The following FRMD1 variants were observed in gnomAD, a reference collection of about 807,000 sequenced individuals.
The protein encoded by FRMD1 is FERM domain-containing protein 1.
FRMD1 carries 51 observed loss-of-function variants against 54.9 expected under a neutral mutation model. The ratio of observed to expected loss-of-function variants is 0.93; its 90% CI spans 0.74 to 1.17. The LOEUF is 1.17. Among genes scored for constraint, FRMD1 ranks in the 50% most tolerant of loss-of-function variants. FRMD1 has a pLI of 0.00. For synonymous variants in FRMD1, 324 were observed against 306.4 expected (o/e 1.06, Z -0.60); for missense variants, 729 against 743.0 (o/e 0.98, Z 0.22).
chr6:168,081,436 G>A, upstream of FRMD1: 1 of 1,535,658 alleles, frequency 6.5e-7, no homozygotes. Flanking sequence ...TGGACGGGCA[G>A]AGGCCGCGAG....
At chr6:168,071,894 A>C (rs1417975167) in intron 2 of FRMD1, among the ~76,000 whole-genome samples, 1 of 152,182 alleles carries the variant, frequency 6.6e-6, no homozygotes, top group Non-Finnish European at 1.5e-5. Flanking sequence ...GCTGACCTTC[A>C]GGACTCAAGG....
intron 1 of FRMD1, among the ~76,000 whole-genome samples, chr6:168,091,503 GCAGGATGGCT>G (rs1375543021): frequency 6.6e-6 from 1 of 152,242 alleles, no homozygotes; most frequent in African/African-American, 2.4e-5. Flanking sequence ...TCAGGTGTCA[GCAGGATGGCT>G]CAGGTTGGAT....
chr6:168,090,876 C>T (rs1167021086), intron 1 of FRMD1, among the ~76,000 whole-genome samples: 6 of 152,224 alleles, frequency 3.9e-5, no homozygotes, highest in East Asian at 1.9e-4. Flanking sequence ...ATCTGCCAAT[C>T]GGGGCTCACG....
intron 7 of FRMD1, 41 bp downstream of exon 7, chr6:168,062,853 C>T: frequency 6.2e-7 from 1 of 1,603,888 alleles, no homozygotes; most frequent in Non-Finnish European, 8.5e-7. Flanking sequence ...GGGGTGGGGG[C>T]AGGACGAGGG....
Position 168,066,817 on chromosome 6 carries a change from G to A in FRMD1, c.399C>T (p.Pro133=). The change falls in exon 4 of 11, where the codon CCC becomes CCT. Residue 133 remains proline, a synonymous_variant. Coordinates refer to ENST00000283309, the MANE Select transcript of FRMD1 (RefSeq NM_024919.6). ...GGAGGAAGGCCACGAAGGGGGCTCT[G>A]GGTTTCTCATTTCCCTAGTGGGGAA... ...KKERNEGNEK[P]RAPFVAFLRV... is the part of the protein sequence containing the mutation. The A allele has an allele frequency of 6.2e-7, 1 of 1,613,838 alleles. No homozygotes were observed. Among genetic ancestry groups the A allele is most frequent in the Admixed American group, 1.7e-5 (1 of 59,936 alleles).
upstream of FRMD1, among the ~76,000 whole-genome samples, chr6:168,084,713 C>A (rs1383306265): frequency 1.3e-5 from 2 of 152,220 alleles, no homozygotes; most frequent in East Asian, 3.9e-4. Context: ...GACAAGTGTG[C>A]GGAATTTTGT....
At chr6:168,091,948 C>A (rs1801022656) in intron 1 of FRMD1, among the ~76,000 whole-genome samples, 1 of 152,352 alleles carries the variant, frequency 6.6e-6, no homozygotes, top group South Asian at 2.1e-4. Flanking sequence ...TGACCAGTAG[C>A]CCCACGTTCA....
chr6:168,092,103 G>C (rs1273142881), intron 1 of FRMD1, among the ~76,000 whole-genome samples: 1 of 152,250 alleles, frequency 6.6e-6, no homozygotes, highest in African/African-American at 2.4e-5. Flanking sequence ...TCTGTGGACA[G>C]AGCGCTGCCA....
In FRMD1 at chr6:168,056,916, G is replaced by T; in HGVS notation, c.*181C>A. ...CAGGCATGAGGTGCGGGACCTGTTTGTTACCTCCCAGGTTGATGTCAGAGC... is the reference window on the plus strand; with the variant it reads ...CAGGCATGAGGTGCGGGACCTGTTTTTTACCTCCCAGGTTGATGTCAGAGC... On this transcript the variant is annotated 3_prime_UTR_variant, in exon 11 of 11. Transcript: ENST00000283309. 1 of 661,800 alleles carries T rather than the reference G, an allele frequency of 1.5e-6. No homozygotes were observed. The highest frequency in any genetic ancestry group is 2.3e-6 in the Non-Finnish European group (1 of 438,900). The allele number at this position is 661,800 out of a possible 1,614,324, so 41.0% of individuals were successfully genotyped here.
upstream of FRMD1, among the ~76,000 whole-genome samples, chr6:168,086,029 A>G (rs1800912189): frequency 6.6e-6 from 1 of 152,224 alleles, no homozygotes. Flanking sequence ...CATTAAACAG[A>G]GTGGCCCCGT....
In FRMD1 at chr6:168,079,198, A is replaced by C. The variant is rs1209515136; in HGVS notation, c.-104T>G. 25 of 1,426,046 alleles carry C rather than the reference A, an allele frequency of 1.8e-5. No homozygotes were observed. The South Asian group carries it at 3.3e-4, about 19-fold the overall frequency. The allele number at this position is 1,426,046 out of a possible 1,614,324, so 88.3% of individuals were successfully genotyped here. ...GGGACCCGCCCTTGCCGAGCTTCTC[A>C]CTGGGAAGGGAATTGAGAGGGAAGC... is the stretch of plus-strand genomic sequence containing the variant. On this transcript the variant is annotated 5_prime_UTR_variant, in exon 1 of 11. Transcript: ENST00000283309.
In FRMD1 at chr6:168,066,745, A is replaced by C; in HGVS notation, c.461+10T>G. 1 of 1,610,872 alleles carries C rather than the reference A, an allele frequency of 6.2e-7. No homozygotes were observed. Among genetic ancestry groups the C allele is most frequent in the East Asian group, 2.2e-5 (1 of 44,796 alleles). On this transcript the variant is annotated intron_variant, in intron 4 of 10. Coordinates refer to ENST00000283309, the MANE Select transcript of FRMD1 (RefSeq NM_024919.6). The stretch of plus-strand genomic sequence containing the variant: ...CCAGGAAACACCCCTTACAGTCCGC[A>C]TGCCGTTACCTTATGACCCTTCCGT...
upstream of FRMD1, among the ~76,000 whole-genome samples, chr6:168,080,575 G>A (rs1800800447): frequency 6.6e-6 from 1 of 152,200 alleles, no homozygotes; most frequent in African/African-American, 2.4e-5. Context: ...CACAGTGCCG[G>A]CGTATCAGGA....
chr6:168,069,864 C>T (rs995009113), intron 2 of FRMD1, among the ~76,000 whole-genome samples: 12 of 152,174 alleles, frequency 7.9e-5, no homozygotes, highest in Non-Finnish European at 1.6e-4. Context: ...CTTCTTAGCC[C>T]GGCCACAGTG....
intron 2 of FRMD1, 73 bp downstream of exon 2, chr6:168,075,172 G>T: frequency 1.6e-6 from 2 of 1,242,878 alleles, no homozygotes. Flanking sequence ...TGTGTGTGGT[G>T]TGCCCACCCC....
rs1314660036 is a variant in FRMD1, at chr6:168,079,023, C to G, written c.72G>C (p.Gly24=). 3.1e-6 allele frequency: 5 copies of G among 1,612,202 alleles called. No individual in the cohort carries two copies. The highest frequency in any genetic ancestry group is 4.2e-6 in the Non-Finnish European group (5 of 1,179,978). ...RTNPDTFPPS[G]ARCMEPSPER... Reference sequence around the variant, plus strand: ...CAGGACTGGGTTCCATACATCGCGCCCCTGAAGGAGGGAACGTGTCAGGGT... The same window carrying G: ...CAGGACTGGGTTCCATACATCGCGCGCCTGAAGGAGGGAACGTGTCAGGGT... Residue 24 remains glycine, a synonymous_variant, in exon 1 of 11, where the codon GGG becomes GGC. Transcript: ENST00000283309.
chr6:168,060,829 TG>T lies in FRMD1; in HGVS notation c.1273del (p.His425MetfsTer49). 2.5e-6 allele frequency: 4 copies of T among 1,613,510 alleles called. No homozygotes were observed. Among genetic ancestry groups the T allele is most frequent in the Non-Finnish European group, 3.4e-6 (4 of 1,179,920 alleles). Reference sequence around the variant, plus strand: ...GGGGCTGGAGGACGGCTCCTTCTCATGGAGCCCGTGGACCTCCAAGGGCACG... The same window carrying T: ...GGGGCTGGAGGACGGCTCCTTCTCATGAGCCCGTGGACCTCCAAGGGCACG... ...VDVPLEVHGL[H>X]EKEPSSSPRT... On this transcript the variant is annotated frameshift_variant, in exon 9 of 11. Transcript: ENST00000283309. LOFTEE classifies it high-confidence loss of function.
chr6:168,065,152 G>T, intron 4 of FRMD1, 95 bp from the exon 5 acceptor site: 1 of 1,471,560 alleles, frequency 6.8e-7, no homozygotes, highest in South Asian at 1.4e-5. Flanking sequence ...CAGCTCCCAG[G>T]GCTGTCCTGA....
rs371531445 is a variant in FRMD1, at chr6:168,057,065, C to T, written c.*32G>A. On this transcript the variant is annotated 3_prime_UTR_variant, in exon 11 of 11. Transcript: ENST00000283309. ...TGGGGTGGGCAGGGGCTGAGCCTGG[C>T]GGTGCGGACGGTACTGCTGGGTGGG... is the stretch of plus-strand genomic sequence containing the variant. 273 of 1,439,976 alleles carry T rather than the reference C, an allele frequency of 1.9e-4. No individual in the cohort carries two copies. Among genetic ancestry groups the T allele is most frequent in the Middle Eastern group, 7.6e-4 (4 of 5,252 alleles). 89.2% of individuals were successfully genotyped at this position (1,439,976 alleles called of 1,614,324 possible).
Sources: gnomAD v4.1 joint callset for allele counts (sites outside exome capture counted in the v4.1 genomes callset) on GRCh38, gnomAD v4.1.1 for gene constraint, MANE v1.5 for transcripts, NCBI Gene and HGNC (gene_info 2026-07-23, HGNC 2026-07-21) for gene names.